The following SLC26A9 variants were observed in gnomAD, a reference collection of about 807,000 sequenced individuals.
SLC26A9 encodes the protein anion transporter/exchanger protein 9.
In SLC26A9, 46 loss-of-function variants were observed where a neutral mutation model predicts 87.1. The ratio of observed to expected loss-of-function variants is 0.53; its 90% CI spans 0.42 to 0.67. The LOEUF (loss-of-function observed/expected upper bound fraction) is 0.67. Among genes scored for constraint, SLC26A9 ranks in the 30% least tolerant of loss-of-function variants. The pLI, the probability that SLC26A9 is intolerant of heterozygous loss-of-function variation, is 0.00. For synonymous variants in SLC26A9, 437 were observed against 409.1 expected, an observed-to-expected ratio of 1.07 and a Z score of -0.82; for missense variants, 927 against 1,018.3, an observed-to-expected ratio of 0.91 and a Z score of 1.22.
At chr1:205,927,655 G>A (rs1259954016) in intron 9 of SLC26A9, 50 bp from the exon 10 acceptor site, 4 of 1,546,824 alleles carry the variant, frequency 2.6e-6, no homozygotes, top group African/African-American at 1.4e-5. Context: ...GGGGGGCACG[G>A]GGACCAAGTG....
At chr1:205,929,866 T>C in intron 6 of SLC26A9, 26 bp downstream of exon 6, 2 of 1,568,006 alleles carry the variant, frequency 1.3e-6, no homozygotes, top group South Asian at 1.2e-5. Flanking sequence ...CTTGCTCCAA[T>C]GGCAGGGGTG....
intron 19 of SLC26A9, among the ~76,000 whole-genome samples, chr1:205,917,561 G>A (rs148639281): frequency 2.0e-5 from 3 of 152,200 alleles, no homozygotes; most frequent in African/African-American, 7.2e-5. Context: ...TGTGTATCGC[G>A]GTCTTCCCTC....
intron 1 of SLC26A9, among the ~76,000 whole-genome samples, chr1:205,938,399 T>C (rs1447250433): frequency 6.6e-6 from 1 of 152,146 alleles, no homozygotes; most frequent in Non-Finnish European, 1.5e-5. Context: ...TCTGCTGGTC[T>C]CCAGCCATGC....
Position 205,921,792 on chromosome 1 carries a change from G to A in SLC26A9, c.1829C>T (p.Pro610Leu), listed in dbSNP as rs1217208857. 6.2e-7 allele frequency: 1 copy of A among 1,606,002 alleles called. No individual in the cohort carries two copies. The highest frequency in any genetic ancestry group is 2.2e-5 in the East Asian group (1 of 44,646). The change falls in exon 17 of 21, where the codon CCC becomes CTC. Residue 610 changes from proline (P) to leucine (L), a missense_variant. Transcript: ENST00000367135. ...QDFENAPPTD[P>L]NNNQTPANGT... ...GTTAGCCGGGGTCTGGTTGTTGTTG[G>A]GGTCGGTGGGGGGCGCATTCTCAAA... is the stretch of plus-strand genomic sequence containing the variant.
chr1:205,928,474 T>C, intron 8 of SLC26A9: 1 of 406,418 alleles, frequency 2.5e-6, no homozygotes, highest in Non-Finnish European at 4.5e-6. Flanking sequence ...GGATGCTTCA[T>C]GAATCTGGTT....
intron 11 of SLC26A9, among the ~76,000 whole-genome samples, chr1:205,926,981 C>T (rs1659097122): frequency 6.6e-6 from 1 of 152,232 alleles, no homozygotes; most frequent in African/African-American, 2.4e-5. Flanking sequence ...GGGACCAGCC[C>T]TGCGCTGTAA....
At position 205,939,862 on chromosome 1, in the gene SLC26A9, G is replaced by A. The variant is rs942461057; in HGVS notation, c.-19+3503C>T. Among the ~76,000 whole-genome samples, 8 of 152,094 alleles carry A rather than the reference G, an allele frequency of 5.3e-5. No homozygotes were observed. In the East Asian group the frequency reaches 5.8e-4, roughly 11 times the overall value. On this transcript the variant is annotated intron_variant, in intron 1 of 20. Coordinates refer to ENST00000367135, the MANE Select transcript of SLC26A9 (RefSeq NM_052934.4). Reference sequence around the variant, plus strand: ...AGCCATGATAAGTGATGTCAGCATCGCTGGAAAAAAAAGTCAAGTGCCCTA... The same window carrying A: ...AGCCATGATAAGTGATGTCAGCATCACTGGAAAAAAAAGTCAAGTGCCCTA...
chr1:205,935,589 TCCCTTAA>T, intron 2 of SLC26A9, 100 bp downstream of exon 2: 2 of 1,515,870 alleles, frequency 1.3e-6, no homozygotes, highest in Non-Finnish European at 8.9e-7. Context: ...CCCCAGGGCT[TCCCTTAA>T]CCCCATCTTA....
At position 205,929,911 on chromosome 1, in the gene SLC26A9, C is replaced by G. The variant is rs1173906281; in HGVS notation, c.698G>C (p.Gly233Ala). Residue 233 changes from glycine to alanine, a missense_variant, in exon 6 of 21, where the codon GGC (glycine) becomes GCC (alanine). Coordinates refer to ENST00000367135, the MANE Select transcript of SLC26A9 (RefSeq NM_052934.4). ...IFGLTIPSYT[G>A]PGSIVFTFID... ...ACTCACAAAGACGATGGACCCTGGG[C>G]CTGTGTAGGAGGGGATGGTCAGTCC... The G allele has an allele frequency of 1.2e-6, 2 of 1,603,660 alleles. No individual in the cohort carries two copies. Among genetic ancestry groups the G allele is most frequent in the Non-Finnish European group, 1.7e-6 (2 of 1,171,426 alleles).
In SLC26A9 at chr1:205,920,206, C is replaced by T. The variant is rs766666896; in HGVS notation, c.2080G>A (p.Gly694Ser). The T allele has an allele frequency of 6.8e-6, 11 of 1,614,016 alleles. No homozygotes were observed. Among genetic ancestry groups the T allele is most frequent in the East Asian group, 4.5e-5 (2 of 44,874 alleles). Residue 694 changes from glycine to serine, a missense_variant, in exon 18 of 21, where the codon GGC becomes AGC. Physicochemically the swap from Gly to Ser is moderately conservative, Grantham distance 56. Coordinates refer to ENST00000367135, the MANE Select transcript of SLC26A9 (RefSeq NM_052934.4). ...AKLSSTYGKI[G>S]VKVFLVNIHA... Reference sequence around the variant, plus strand: ...ATGTTCACCAAGAAGACCTTCACGCCGATCTTCCCATAGGTGGAGCTCAGC... The same window carrying T: ...ATGTTCACCAAGAAGACCTTCACGCTGATCTTCCCATAGGTGGAGCTCAGC...
chr1:205,931,795 AGGCTTTGAGGGAGG>A lies in SLC26A9; in HGVS notation c.552+51_552+64del. The stretch of plus-strand genomic sequence containing the variant: ...TAAATCAGATTTAGCATCAAAGCTA[AGGCTTTGAGGGAGG>A]GGCAGGGTGGTCTGATGCCCTTCTA... On this transcript the variant is annotated intron_variant, in intron 5 of 20. Transcript: ENST00000367135. The A allele has an allele frequency of 7.8e-6, 12 of 1,539,436 alleles. 1 individual carries two copies. The African/African-American group carries it at 9.6e-5, about 12-fold the overall frequency.
chr1:205,927,206 C>G lies in SLC26A9; in HGVS notation c.1293+5G>C, dbSNP rs547631689. ...TTGACTTCTGCTCGATGGCTGGGCT[C>G]TTACCTTAGGGAGAGGATACAGATA... On this transcript the variant is annotated splice_donor_5th_base_variant and intron_variant, in intron 11 of 20. Coordinates refer to ENST00000367135, the MANE Select transcript of SLC26A9 (RefSeq NM_052934.4). 2 of 1,614,098 alleles carry G rather than the reference C, an allele frequency of 1.2e-6. No homozygotes were observed. The highest frequency in any genetic ancestry group is 1.7e-6 in the Non-Finnish European group (2 of 1,180,002).
intron 20 of SLC26A9, among the ~76,000 whole-genome samples, chr1:205,915,924 A>G (rs1406897582): frequency 6.6e-6 from 1 of 152,144 alleles, no homozygotes; most frequent in Non-Finnish European, 1.5e-5. Flanking sequence ...ATGGAGCTCA[A>G]TGTCAAAAAG....
At chr1:205,943,033 G>A (rs1329218284) in intron 1 of SLC26A9, among the ~76,000 whole-genome samples, 3 of 152,292 alleles carry the variant, frequency 2.0e-5, no homozygotes, top group Admixed American at 6.5e-5. Context: ...AGGCTGTCGC[G>A]GAGGAAGGTC....
In SLC26A9 at chr1:205,942,157, G is replaced by A. The variant is rs1401621523; in HGVS notation, c.-19+1208C>T. On this transcript the variant is annotated intron_variant, in intron 1 of 20. Coordinates refer to ENST00000367135, the MANE Select transcript of SLC26A9 (RefSeq NM_052934.4). ...TATATGCCAATCTCCGGAAGACTCT[G>A]GGCATTAAAAGATAAAGAGGAGTCC... Among the ~76,000 whole-genome samples, 5 of 152,200 alleles carry A rather than the reference G, an allele frequency of 3.3e-5. No homozygotes were observed. In the East Asian group the frequency reaches 9.6e-4, roughly 29 times the overall value.
chr1:205,935,994 C>T (rs566982210), intron 1 of SLC26A9, among the ~76,000 whole-genome samples, 156 bp from the exon 2 acceptor site: 5 of 152,298 alleles, frequency 3.3e-5, no homozygotes, highest in African/African-American at 9.6e-5. Context: ...CAAGTTTTTC[C>T]GTCAGACTCC....
chr1:205,919,544 C>G (rs981086052), intron 18 of SLC26A9, among the ~76,000 whole-genome samples: 11 of 152,120 alleles, frequency 7.2e-5, no homozygotes, highest in African/African-American at 2.7e-4. Context: ...GGGGGTCTGA[C>G]CCAGTGCAGG....
rs776843485 is a variant in SLC26A9, at chr1:205,920,274, T to C, written c.2056-44A>G. ...TAGGGAGGCAAAAGGAAAGGAATGTTCTGAGTGGGTCTCAAAAGTGATTCA... is the reference window on the plus strand; with the variant it reads ...TAGGGAGGCAAAAGGAAAGGAATGTCCTGAGTGGGTCTCAAAAGTGATTCA... On this transcript the variant is annotated intron_variant, in intron 17 of 20. Coordinates refer to ENST00000367135, the MANE Select transcript of SLC26A9 (RefSeq NM_052934.4). 4 of 1,610,962 alleles carry C rather than the reference T, an allele frequency of 2.5e-6. No individual in the cohort carries two copies. The South Asian group carries it at 3.3e-5, about 13-fold the overall frequency.
At chr1:205,924,312 G>C (rs1055031927) in intron 13 of SLC26A9, 71 bp downstream of exon 13, 1 of 1,425,662 alleles carries the variant, frequency 7.0e-7, no homozygotes, top group African/African-American at 1.4e-5. Context: ...CCAGGCCGTG[G>C]CATGGAAGCC....
Sources: allele counts gnomAD v4.1 joint callset (sites outside exome capture counted in the v4.1 genomes callset), GRCh38; gene constraint gnomAD v4.1.1; transcripts MANE v1.5; gene names NCBI Gene and HGNC (gene_info 2026-07-23, HGNC 2026-07-21).